THEMIS: variants seen among roughly 807,000 people sequenced by gnomAD.
THEMIS encodes protein THEMIS.
Under a neutral mutation model 52.6 loss-of-function variants are expected in THEMIS, and 37 were observed. The observed-to-expected ratio is 0.70, with a 90% CI of 0.54 to 0.93. The LOEUF (loss-of-function observed/expected upper bound fraction) is 0.93. THEMIS is among the 40% of genes least tolerant of loss of function. The pLI is 0.00. For missense variants in THEMIS, 808 were observed against 763.1 expected, an observed-to-expected ratio of 1.06 and a Z score of -0.69; for synonymous variants, 292 against 272.7, an observed-to-expected ratio of 1.07 and a Z score of -0.70.
intron 2 of THEMIS, among the ~76,000 whole-genome samples, chr6:127,843,368 C>A (rs1779114586): frequency 6.6e-6 from 1 of 151,564 alleles, no homozygotes; most frequent in Non-Finnish European, 1.5e-5. Context: ...AATACTGTAC[C>A]ATTAACGTAG....
intron 4 of THEMIS, among the ~76,000 whole-genome samples, chr6:127,801,007 T>G (rs1052440155): frequency 6.6e-6 from 1 of 152,116 alleles, no homozygotes; most frequent in Non-Finnish European, 1.5e-5. Context: ...GTTTCTGGAG[T>G]TGGCTGCATA....
intron 4 of THEMIS, among the ~76,000 whole-genome samples, chr6:127,800,300 T>G (rs866519651): frequency 1.7e-4 from 26 of 151,716 alleles, no homozygotes; most frequent in African/African-American, 4.6e-4. Flanking sequence ...TATTTTGGAC[T>G]TCCTCAGAAA....
chr6:127,743,854 A>G lies in THEMIS; in HGVS notation c.1759-24031T>C, dbSNP rs1775291071. Among the ~76,000 whole-genome samples the G allele has an allele frequency of 5.3e-5, 8 of 152,250 alleles. 1 individual carries two copies. In the South Asian group the frequency reaches 1.7e-3, roughly 32 times the overall value. ...CTGTTTTTCTAGTCATTTCCATGTT[A>G]TGACTACAGGTATTTCCCTAGGTTA... On this transcript the variant is annotated intron_variant, in intron 4 of 5. Coordinates refer to ENST00000368248, the MANE Select transcript of THEMIS (RefSeq NM_001010923.3).
chr6:127,777,829 C>CT lies in THEMIS; in HGVS notation c.1758+35053dup, dbSNP rs35521945. On this transcript the variant is annotated intron_variant, in intron 4 of 5. Coordinates refer to ENST00000368248, the MANE Select transcript of THEMIS (RefSeq NM_001010923.3). ...GAATAGAATGATTTGCTAAAGATTG[C>CT]TTTTTCAGATTAGAGTACATATGGA... Among the ~76,000 whole-genome samples, 21 of 152,158 alleles carry CT rather than the reference C, an allele frequency of 1.4e-4. No homozygotes were observed. In the South Asian group the frequency reaches 4.4e-3, roughly 32 times the overall value.
chr6:127,907,816 A>G (rs1781313727), intron 1 of THEMIS, among the ~76,000 whole-genome samples: 1 of 141,732 alleles, frequency 7.1e-6, no homozygotes, highest in Non-Finnish European at 1.5e-5. Context: ...GTCTCCAACC[A>G]TATGTACATT....
the THEMIS span, among the ~76,000 whole-genome samples, chr6:127,696,629 G>C: frequency 6.6e-6 from 1 of 152,138 alleles, no homozygotes; most frequent in Non-Finnish European, 1.5e-5. Flanking sequence ...ACCATTTCCT[G>C]GGGGGTTTGA....
chr6:127,866,726 A>G (rs1324085141), intron 1 of THEMIS, among the ~76,000 whole-genome samples: 1 of 151,894 alleles, frequency 6.6e-6, no homozygotes, highest in African/African-American at 2.4e-5. Flanking sequence ...AAGATCTAAT[A>G]TTATCCATTT....
chr6:127,804,115 G>T (rs1777624713), intron 4 of THEMIS, among the ~76,000 whole-genome samples: 1 of 152,086 alleles, frequency 6.6e-6, no homozygotes, highest in African/African-American at 2.4e-5. Context: ...ATATAGAAAA[G>T]AGACCAAAGA....
intron 4 of THEMIS, among the ~76,000 whole-genome samples, chr6:127,745,370 T>C (rs138363097): frequency 2.0e-3 from 307 of 151,776 alleles, no homozygotes; most frequent in African/African-American, 6.4e-3. Flanking sequence ...AATAGGGAAA[T>C]TGTGGTGAAT....
Position 127,711,724 on chromosome 6 carries a change from T to C in THEMIS, c.1895-1708A>G, listed in dbSNP as rs374510597. Among the ~76,000 whole-genome samples the C allele has an allele frequency of 3.9e-5, 6 of 152,122 alleles. 1 individual carries two copies. Among genetic ancestry groups the C allele is most frequent in the Admixed American group, 2.0e-4 (3 of 15,254 alleles). On this transcript the variant is annotated intron_variant, in intron 5 of 5. Transcript: ENST00000368248. Reference sequence around the variant, plus strand: ...CCAGATTTAATTCCCACTTCTATCATTTACTATCTTTGTGACTTTATCTAT... The same window carrying C: ...CCAGATTTAATTCCCACTTCTATCACTTACTATCTTTGTGACTTTATCTAT...
chr6:127,794,266 A>G (rs578134119), intron 4 of THEMIS, among the ~76,000 whole-genome samples: 1 of 152,306 alleles, frequency 6.6e-6, no homozygotes, highest in East Asian at 1.9e-4. Flanking sequence ...TTCTTGCTCC[A>G]CTAGTGTCTA....
intron 1 of THEMIS, among the ~76,000 whole-genome samples, chr6:127,891,639 C>T (rs746696297): frequency 2.6e-5 from 4 of 151,862 alleles, no homozygotes; most frequent in Non-Finnish European, 4.4e-5. Flanking sequence ...CACACTAAAT[C>T]AAGGCACCAT....
intron 4 of THEMIS, among the ~76,000 whole-genome samples, chr6:127,720,107 T>C (rs1774313118): frequency 6.6e-6 from 1 of 151,956 alleles, no homozygotes; most frequent in African/African-American, 2.4e-5. Context: ...GCTTATAAAA[T>C]ATTTTTCATT....
At chr6:127,889,264 A>T (rs1044050852) in intron 1 of THEMIS, among the ~76,000 whole-genome samples, 1 of 152,114 alleles carries the variant, frequency 6.6e-6, no homozygotes, top group Non-Finnish European at 1.5e-5. Context: ...TGATCATGTG[A>T]CCACAAAAGG....
chr6:127,856,722 T>A (rs1354777252), intron 1 of THEMIS, among the ~76,000 whole-genome samples: 3 of 152,044 alleles, frequency 2.0e-5, no homozygotes, highest in African/African-American at 7.2e-5. Flanking sequence ...TACTATTCCC[T>A]TAACTACATA....
At chr6:127,702,321 CT>C in the THEMIS span, among the ~76,000 whole-genome samples, 1 of 152,190 alleles carries the variant, frequency 6.6e-6, no homozygotes, top group East Asian at 1.9e-4. Flanking sequence ...GAAATTACTT[CT>C]TTATTCTTCT....
chr6:127,820,204 CA>C (rs1186501447), intron 3 of THEMIS, among the ~76,000 whole-genome samples: 2 of 151,756 alleles, frequency 1.3e-5, no homozygotes, highest in Non-Finnish European at 2.9e-5. Context: ...ATAAAAGCCT[CA>C]ATTAAAATTA....
chr6:127,763,354 T>G (rs564149471), intron 4 of THEMIS, among the ~76,000 whole-genome samples: 1 of 152,018 alleles, frequency 6.6e-6, no homozygotes, highest in Admixed American at 6.6e-5. Context: ...AATATTCGTG[T>G]TGTGGCTATG....
At chr6:127,809,389 A>G (rs1777824650) in intron 4 of THEMIS, among the ~76,000 whole-genome samples, 1 of 152,186 alleles carries the variant, frequency 6.6e-6, no homozygotes, top group Non-Finnish European at 1.5e-5. Flanking sequence ...ATTATGAAGA[A>G]ACTGAAAGAG....
Sources: gnomAD v4.1 joint callset for allele counts (sites outside exome capture counted in the v4.1 genomes callset) on GRCh38, gnomAD v4.1.1 for gene constraint, MANE v1.5 for transcripts, NCBI Gene and HGNC (gene_info 2026-07-23, HGNC 2026-07-21) for gene names.